The following CPXM1 variants were observed in gnomAD, a reference collection of about 807,000 sequenced individuals.
CPXM1 encodes carboxypeptidase X, M14 family member 1, also known as probable carboxypeptidase X1.
Under a neutral mutation model 80.4 loss-of-function variants are expected in CPXM1, and 72 were observed. That is an observed-to-expected ratio of 0.90 (90% CI 0.74 to 1.09). The LOEUF is 1.09. CPXM1 is among the 50% of genes least tolerant of loss of function. CPXM1 has a pLI of 0.00. For missense variants in CPXM1, 892 were observed against 999.4 expected (o/e 0.89, Z 1.45); for synonymous variants, 403 against 405.6 (o/e 0.99, Z 0.08).
chr20:2,797,379 C>T, intron 5 of CPXM1, 37 bp from the exon 6 acceptor site: 4 of 1,443,528 alleles, frequency 2.8e-6, no homozygotes, highest in Non-Finnish European at 3.6e-6. Flanking sequence ...GCTGCTCAAA[C>T]CCCAGAAGCC....
rs769729763 is a variant in CPXM1, at chr20:2,798,432, A to T, written c.446T>A (p.Ile149Asn). 2 of 1,612,826 alleles carry T rather than the reference A, an allele frequency of 1.2e-6. No homozygotes were observed. Among genetic ancestry groups the T allele is most frequent in the Admixed American group, 1.7e-5 (1 of 59,916 alleles). Reference sequence around the variant, plus strand: ...CTCCGAGCCAGGATTACTGACCTGAATGTTGAGCCGTCCTCGGTGTGGTCC... The same window carrying T: ...CTCCGAGCCAGGATTACTGACCTGATTGTTGAGCCGTCCTCGGTGTGGTCC... ...GLGPHRGRLNIQSGLEDGDLY... is the reference protein window; with the variant it reads ...GLGPHRGRLNNQSGLEDGDLY... Residue 149 changes from isoleucine to asparagine, a missense_variant, in exon 3 of 14, where the codon ATT becomes AAT. Physicochemically the swap from Ile to Asn is moderately radical, Grantham distance 149 (BLOSUM62 -3). Around this residue, in one of 2 missense-constraint regions of CPXM1, gnomAD observed 874 missense variants for 958.4 expected, o/e 0.91. Coordinates refer to ENST00000380605, the MANE Select transcript of CPXM1 (RefSeq NM_019609.5).
At position 2,799,558 on chromosome 20, in the gene CPXM1, G is replaced by A. The variant is rs150026071; in HGVS notation, c.173-665C>T. Among the ~76,000 whole-genome samples the A allele has an allele frequency of 2.4e-3, 368 of 152,142 alleles. 2 individuals are homozygous for A. Among genetic ancestry groups the A allele is most frequent in the African/African-American group, 8.5e-3 (351 of 41,510 alleles). ...CCTCCAGAACAGGCTGCCCATTTCC[G>A]CATCTGGTGCCCCTGTGCCTTTGCC... On this transcript the variant is annotated intron_variant, in intron 1 of 13. Coordinates refer to ENST00000380605, the MANE Select transcript of CPXM1 (RefSeq NM_019609.5).
rs761207344 is a variant in CPXM1, at chr20:2,796,969, G to A, written c.921+37C>T. The A allele has an allele frequency of 1.3e-6, 2 of 1,578,808 alleles. No individual in the cohort carries two copies. The highest frequency in any genetic ancestry group is 1.7e-6 in the Non-Finnish European group (2 of 1,148,840). On this transcript the variant is annotated intron_variant, in intron 7 of 13. Coordinates refer to ENST00000380605, the MANE Select transcript of CPXM1 (RefSeq NM_019609.5). The surrounding 1 kb of genome is among the most constrained non-coding windows in gnomAD (Gnocchi z 6.8). ...GGTGGGAAGGGGACCTGAGATGGGT[G>A]GGCCCTCCTTCCCAGGTCATAGGGG...
Position 2,794,738 on chromosome 20 carries a change from T to A in CPXM1, c.1861-99A>T. ...TGTTGCCCTGCAAACCTGAGCAAAG[T>A]GGTAGGTCTACTGTGTTCCTAGGTG... On this transcript the variant is annotated intron_variant, in intron 12 of 13. Coordinates refer to ENST00000380605, the MANE Select transcript of CPXM1 (RefSeq NM_019609.5). This position sits in a 1 kb window ranked among gnomAD's most constrained non-coding sequence, Gnocchi z 5.2. 1 of 868,408 alleles carries A rather than the reference T, an allele frequency of 1.2e-6. No homozygotes were observed. The highest frequency in any genetic ancestry group is 1.9e-6 in the Non-Finnish European group (1 of 529,560). 53.8% of individuals were successfully genotyped at this position (868,408 alleles called of 1,614,324 possible).
rs1375704500 is a variant in CPXM1 at position 2,794,599 on chromosome 20, G to A, written c.1901C>T (p.Thr634Met). 37 of 1,613,354 alleles carry A rather than the reference G, an allele frequency of 2.3e-5. No individual in the cohort carries two copies. The highest frequency in any genetic ancestry group is 3.1e-5 in the Non-Finnish European group (36 of 1,179,994). The change falls in exon 13 of 14, where the codon ACG becomes ATG. Residue 634 changes from threonine (T) to methionine (M), a missense_variant. By Grantham distance (81) the Thr-to-Met change is moderately conservative. This residue lies in a region of CPXM1 where 874 missense variants were observed against 958.4 expected (regional missense o/e 0.91). Transcript: ENST00000380605. This position sits in a 1 kb window ranked among gnomAD's most constrained non-coding sequence, Gnocchi z 5.2. ...GIAGVVRDKD[T>M]ELGIADAVIA... ...GACAGCGTCAGCAATCCCAAGCTCC[G>A]TGTCCTTGTCCCTCACCACTCCTGC...
chr20:2,798,694 A>C (rs762660349), intron 2 of CPXM1, 32 bp downstream of exon 2: 1 of 1,597,144 alleles, frequency 6.3e-7, no homozygotes, highest in Non-Finnish European at 8.5e-7. Flanking sequence ...CAGGGGCTGC[A>C]AGTCTGGGCT....
Position 2,794,076 on chromosome 20 carries a change from A to AG in CPXM1, c.*113dup. ...ACAGAGACAACACGAAGATGAGCTA[A>AG]GGTGCCCGGTAGCTTTAATGAGCAC... is the stretch of plus-strand genomic sequence containing the variant. On this transcript the variant is annotated 3_prime_UTR_variant, in exon 14 of 14. Coordinates refer to ENST00000380605, the MANE Select transcript of CPXM1 (RefSeq NM_019609.5). This position sits in a 1 kb window ranked among gnomAD's most constrained non-coding sequence, Gnocchi z 5.2. The AG allele has an allele frequency of 7.1e-7, 1 of 1,414,924 alleles. No homozygotes were observed. Among genetic ancestry groups the AG allele is most frequent in the Non-Finnish European group, 9.5e-7 (1 of 1,050,244 alleles). 87.6% of individuals were successfully genotyped at this position (1,414,924 alleles called of 1,614,324 possible).
intron 1 of CPXM1, 43 bp downstream of exon 1, chr20:2,800,358 C>T (rs1175626765): frequency 6.8e-7 from 1 of 1,464,900 alleles, no homozygotes; most frequent in African/African-American, 1.5e-5. Flanking sequence ...GAGAGCCGGG[C>T]AGTCGGCTTG....
In CPXM1 at chr20:2,795,988, A is replaced by G. The variant is rs773787705; in HGVS notation, c.1416T>C (p.Asn472=). 6.2e-6 allele frequency: 10 copies of G among 1,607,742 alleles called. No individual in the cohort carries two copies. Among genetic ancestry groups the G allele is most frequent in the Non-Finnish European group, 6.8e-6 (8 of 1,176,368 alleles). Residue 472 remains asparagine (N), a synonymous_variant, in exon 10 of 14, where the codon AAT becomes AAC. Transcript: ENST00000380605. The surrounding 1 kb of genome is among the most constrained non-coding windows in gnomAD (Gnocchi z 5.4). ...LPLPTYYTLP[N]ATVAPETRAV... ...CCGCCCTCAAAATACTCACGGTGGCATTGGGCAGGGTGTAGTAAGTGGGCA... is the reference window on the plus strand; with the variant it reads ...CCGCCCTCAAAATACTCACGGTGGCGTTGGGCAGGGTGTAGTAAGTGGGCA...
chr20:2,799,041 A>G lies in CPXM1; in HGVS notation c.173-148T>C, dbSNP rs78410945. ...CTTCACAGGACATCAAAGGCCTGCA[A>G]TCTGACCCCAACCTGCCTCTCCAGT... On this transcript the variant is annotated intron_variant, in intron 1 of 13. Coordinates refer to ENST00000380605, the MANE Select transcript of CPXM1 (RefSeq NM_019609.5). 2.9e-4 allele frequency: 221 copies of G among 749,784 alleles called. 1 individual carries two copies. The East Asian group carries it at 5.6e-3, about 19-fold the overall frequency. The allele number at this position is 749,784 out of a possible 1,614,324, so 46.4% of individuals were successfully genotyped here.
chr20:2,800,350 G>T lies in CPXM1; in HGVS notation c.172+51C>A, dbSNP rs532735798. The T allele has an allele frequency of 4.1e-6, 6 of 1,451,782 alleles. No homozygotes were observed. In the Admixed American group the frequency reaches 1.1e-4, roughly 26 times the overall value. The allele number at this position is 1,451,782 out of a possible 1,614,324, so 89.9% of individuals were successfully genotyped here. ...GGAGGGATCGCCCCACGGGGCAGGA[G>T]AGCCGGGCAGTCGGCTTGCGGGGGA... is the stretch of plus-strand genomic sequence containing the variant. On this transcript the variant is annotated intron_variant, in intron 1 of 13. Transcript: ENST00000380605.
intron 2 of CPXM1, 87 bp downstream of exon 2, chr20:2,798,639 C>A: frequency 1.3e-6 from 2 of 1,546,010 alleles, no homozygotes; most frequent in Non-Finnish European, 1.8e-6. Flanking sequence ...AAGCAAGGGG[C>A]GTGCCGGTGC....
At position 2,798,288 on chromosome 20, in the gene CPXM1, C is replaced by T; in HGVS notation, c.454G>A (p.Gly152Ser). The T allele has an allele frequency of 6.2e-7, 1 of 1,613,852 alleles. No individual in the cohort carries two copies. The highest frequency in any genetic ancestry group is 8.5e-7 in the Non-Finnish European group (1 of 1,179,940). The change falls in exon 4 of 14, where the codon GGC becomes AGC. Residue 152 changes from glycine to serine, a missense_variant. Transcript: ENST00000380605. ...PHRGRLNIQSGLEDGDLYDGA... is the reference protein window; with the variant it reads ...PHRGRLNIQSSLEDGDLYDGA... ...TCATATAGATCGCCGTCCTCCAGGCCTGACTGCAGACACAGGACATGGTGG... is the reference window on the plus strand; with the variant it reads ...TCATATAGATCGCCGTCCTCCAGGCTTGACTGCAGACACAGGACATGGTGG...
chr20:2,800,141 G>A (rs2088553638), intron 1 of CPXM1, among the ~76,000 whole-genome samples: 2 of 127,976 alleles, frequency 1.6e-5, no homozygotes, highest in South Asian at 2.7e-4. Context: ...GTGTGTGCGC[G>A]CACGCGCGTG....
rs2088494917 is a variant in CPXM1 at position 2,795,452 on chromosome 20, G to C, written c.1721-36C>G. ...CACAGACACTGCTGCCTAAGCAGGCGGGATGCGGTCCCATCCTCCCGCTAC... is the reference window on the plus strand; with the variant it reads ...CACAGACACTGCTGCCTAAGCAGGCCGGATGCGGTCCCATCCTCCCGCTAC... On this transcript the variant is annotated intron_variant, in intron 11 of 13. Coordinates refer to ENST00000380605, the MANE Select transcript of CPXM1 (RefSeq NM_019609.5). This position sits in a 1 kb window ranked among gnomAD's most constrained non-coding sequence, Gnocchi z 5.4. 6.2e-7 allele frequency: 1 copy of C among 1,606,546 alleles called. No homozygotes were observed. The highest frequency in any genetic ancestry group is 8.5e-7 in the Non-Finnish European group (1 of 1,174,422).
Position 2,794,837 on chromosome 20 carries a change from T to C in CPXM1, c.1861-198A>G, listed in dbSNP as rs1321185124. Among the ~76,000 whole-genome samples, 1 of 151,900 alleles carries C rather than the reference T, an allele frequency of 6.6e-6. No individual in the cohort carries two copies. The highest frequency in any genetic ancestry group is 1.9e-4 in the East Asian group (1 of 5,168). On this transcript the variant is annotated intron_variant, in intron 12 of 13. Coordinates refer to ENST00000380605, the MANE Select transcript of CPXM1 (RefSeq NM_019609.5). The surrounding 1 kb of genome is among the most constrained non-coding windows in gnomAD (Gnocchi z 5.2). ...ACATCTGGACTAAGAAAATGATAAA[T>C]ACCTGGTAGGAAGGCTTATCTATCC... is the stretch of plus-strand genomic sequence containing the variant.
rs572810854 is a variant in CPXM1 at position 2,794,487 on chromosome 20, C to T, written c.1963+50G>A. 5.1e-5 allele frequency: 83 copies of T among 1,613,358 alleles called. No individual in the cohort carries two copies. In the East Asian group the frequency reaches 6.0e-4, roughly 12 times the overall value. Reference sequence around the variant, plus strand: ...CAATTAATGATCTTCTGCTTCTTCCCGAGCCTCCAGCCCTCCAGCCCCTTC... The same window carrying T: ...CAATTAATGATCTTCTGCTTCTTCCTGAGCCTCCAGCCCTCCAGCCCCTTC... On this transcript the variant is annotated intron_variant, in intron 13 of 13. Coordinates refer to ENST00000380605, the MANE Select transcript of CPXM1 (RefSeq NM_019609.5). This position sits in a 1 kb window ranked among gnomAD's most constrained non-coding sequence, Gnocchi z 5.2.
rs781349670 is a variant in CPXM1, at chr20:2,797,184, C to T, written c.832+8G>A. On this transcript the variant is annotated splice_region_variant and intron_variant, in intron 6 of 13. Coordinates refer to ENST00000380605, the MANE Select transcript of CPXM1 (RefSeq NM_019609.5). ...CCCTGCCCAACCAACCCTGGCCTGA[C>T]TGCCCACCTGAGACTGGGCAGGCCA... 6.3e-7 allele frequency: 1 copy of T among 1,597,308 alleles called. No homozygotes were observed. The highest frequency in any genetic ancestry group is 8.6e-7 in the Non-Finnish European group (1 of 1,169,172).
In CPXM1 at chr20:2,796,953, G is replaced by T; in HGVS notation, c.921+53C>A. On this transcript the variant is annotated intron_variant, in intron 7 of 13. Coordinates refer to ENST00000380605, the MANE Select transcript of CPXM1 (RefSeq NM_019609.5). The surrounding 1 kb of genome is among the most constrained non-coding windows in gnomAD (Gnocchi z 6.8). ...TGTGCCCCGGTGGGAAGGTGGGAAG[G>T]GGACCTGAGATGGGTGGGCCCTCCT... 1 of 1,527,940 alleles carries T rather than the reference G, an allele frequency of 6.5e-7. No individual in the cohort carries two copies. Among genetic ancestry groups the T allele is most frequent in the South Asian group, 1.1e-5 (1 of 88,306 alleles). 94.6% of individuals were successfully genotyped at this position (1,527,940 alleles called of 1,614,324 possible).
Sources: gnomAD v4.1 joint callset for allele counts (sites outside exome capture counted in the v4.1 genomes callset) on GRCh38, gnomAD v4.1.1 for gene constraint, gnomAD v4.1.1 regional missense constraint, Gnocchi (gnomAD v3.1) non-coding constraint, MANE v1.5 for transcripts, NCBI Gene and HGNC (gene_info 2026-07-23, HGNC 2026-07-21) for gene names.